Variants in ADAMTS20 observed in about 807,000 individuals in gnomAD.
The protein encoded by ADAMTS20 is ADAM metallopeptidase with thrombospondin type 1 motif 20.
A neutral mutation model predicts 260.1 loss-of-function variants in ADAMTS20; 225 were observed. The ratio of observed to expected loss-of-function variants is 0.87; its 90% CI spans 0.78 to 0.97. ADAMTS20 has a LOEUF of 0.97. ADAMTS20 is among the 50% of genes least tolerant of loss of function. The pLI is 0.00. For missense variants in ADAMTS20, 2,400 were observed against 2,337.7 expected (o/e 1.03, Z -0.55); for synonymous variants, 802 against 769.5 (o/e 1.04, Z -0.70).
At chr12:43,408,164 A>T (rs779627894) in intron 28 of ADAMTS20, among the ~76,000 whole-genome samples, 4 of 152,164 alleles carry the variant, frequency 2.6e-5, no homozygotes, top group Non-Finnish European at 5.9e-5. Flanking sequence ...ATGTTTTTAC[A>T]CAAATCAAAT....
intron 28 of ADAMTS20, among the ~76,000 whole-genome samples, chr12:43,405,227 T>TAAAAAAAAAA (rs1565683116): frequency 1.6e-3 from 18 of 11,546 alleles, no homozygotes; most frequent in African/African-American, 4.2e-3. Flanking sequence ...ACCTCATCTC[T>TAAAAAAAAAA]ACAAAAAAAA....
chr12:43,499,782 C>T (rs551863041), intron 4 of ADAMTS20, among the ~76,000 whole-genome samples: 2 of 152,152 alleles, frequency 1.3e-5, no homozygotes, highest in Admixed American at 6.5e-5. Context: ...GGATTACAGG[C>T]GTGAGCCATG....
At chr12:43,534,869 G>C (rs573787948) in intron 2 of ADAMTS20, among the ~76,000 whole-genome samples, 12 of 152,068 alleles carry the variant, frequency 7.9e-5, no homozygotes, top group Non-Finnish European at 1.6e-4. Flanking sequence ...GGTGAAACTG[G>C]GTGCATGTAG....
intron 3 of ADAMTS20, among the ~76,000 whole-genome samples, chr12:43,508,117 G>A (rs532583398): frequency 6.6e-6 from 1 of 151,926 alleles, no homozygotes; most frequent in African/African-American, 2.4e-5. Context: ...TAACAAACTG[G>A]CACATGTACC....
chr12:43,357,668 A>G (rs902963492), intron 37 of ADAMTS20, among the ~76,000 whole-genome samples: 3 of 152,218 alleles, frequency 2.0e-5, no homozygotes, highest in African/African-American at 7.2e-5. Context: ...AAAATGTATC[A>G]CATACAACAT....
intron 28 of ADAMTS20, among the ~76,000 whole-genome samples, chr12:43,417,717 A>G (rs928431939): frequency 6.6e-6 from 1 of 152,166 alleles, no homozygotes; most frequent in African/African-American, 2.4e-5. Flanking sequence ...AGTGCCCAAA[A>G]CATTATTTTT....
In ADAMTS20 at chr12:43,356,466, T is replaced by G; in HGVS notation, c.5643+18A>C. On this transcript the variant is annotated intron_variant, in intron 38 of 38. Transcript: ENST00000389420. ...TCAGAAGTATTTCAAACAGGCTTTT[T>G]GGTCCCGCAGGACTTACCTCTGATC... is the stretch of plus-strand genomic sequence containing the variant. The G allele has an allele frequency of 6.5e-7, 1 of 1,538,844 alleles. No homozygotes were observed. Among genetic ancestry groups the G allele is most frequent in the East Asian group, 2.3e-5 (1 of 43,864 alleles).
At chr12:43,423,447 A>AT in intron 28 of ADAMTS20, 1 of 392,792 alleles carries the variant, frequency 2.5e-6, no homozygotes, top group Non-Finnish European at 4.6e-6. Flanking sequence ...TGCTTGGTGA[A>AT]TTGAAGTCAT....
chr12:43,489,113 CA>C (rs909754343), intron 7 of ADAMTS20, among the ~76,000 whole-genome samples: 4 of 149,862 alleles, frequency 2.7e-5, no homozygotes, highest in East Asian at 1.9e-4. Flanking sequence ...AATATGATGT[CA>C]AAAAAAATTA....
chr12:43,444,556 C>T lies in ADAMTS20; in HGVS notation c.2198-673G>A, dbSNP rs142515036. Reference sequence around the variant, plus strand: ...TTCCATTTTATGAAGCCAAATTCAGCGACATTGGCACTGCTCAAAAGAGGA... The same window carrying T: ...TTCCATTTTATGAAGCCAAATTCAGTGACATTGGCACTGCTCAAAAGAGGA... On this transcript the variant is annotated intron_variant, in intron 15 of 38. Coordinates refer to ENST00000389420, the MANE Select transcript of ADAMTS20 (RefSeq NM_025003.5). Among the ~76,000 whole-genome samples the T allele has an allele frequency of 1.9e-4, 29 of 152,066 alleles. 1 individual carries two copies. Among genetic ancestry groups the T allele is most frequent in the Admixed American group, 1.6e-3 (25 of 15,256 alleles).
intron 36 of ADAMTS20, among the ~76,000 whole-genome samples, chr12:43,375,014 T>C (rs560288556): frequency 3.9e-5 from 6 of 152,102 alleles, no homozygotes; most frequent in South Asian, 2.1e-4. Context: ...CTACTAAAAA[T>C]ACAAAAAGTT....
At chr12:43,385,003 CT>C (rs1940441043) in intron 29 of ADAMTS20, among the ~76,000 whole-genome samples, 2 of 152,166 alleles carry the variant, frequency 1.3e-5, no homozygotes, top group Non-Finnish European at 2.9e-5. Flanking sequence ...AATGCTATTT[CT>C]GGTTCTACAT....
At chr12:43,510,769 T>C (rs1942913236) in intron 3 of ADAMTS20, among the ~76,000 whole-genome samples, 1 of 151,990 alleles carries the variant, frequency 6.6e-6, no homozygotes, top group Non-Finnish European at 1.5e-5. Flanking sequence ...ACATTGAATA[T>C]CTCTTATAAC....
At chr12:43,384,482 C>G (rs942991056) in intron 29 of ADAMTS20, among the ~76,000 whole-genome samples, 1 of 151,984 alleles carries the variant, frequency 6.6e-6, no homozygotes, top group Non-Finnish European at 1.5e-5. Flanking sequence ...ACTTTAAGTT[C>G]TGGGATACAT....
At chr12:43,435,301 C>G (rs573832605) in intron 18 of ADAMTS20, among the ~76,000 whole-genome samples, 1 of 152,098 alleles carries the variant, frequency 6.6e-6, no homozygotes, top group Non-Finnish European at 1.5e-5. Context: ...TGCAAACTTT[C>G]TGTACTTTCT....
intron 36 of ADAMTS20, among the ~76,000 whole-genome samples, chr12:43,371,485 C>T (rs995281465): frequency 2.6e-5 from 4 of 152,118 alleles, no homozygotes; most frequent in African/African-American, 4.8e-5. Context: ...AGGGGTGATA[C>T]TTGCTATGGA....
intron 11 of ADAMTS20, among the ~76,000 whole-genome samples, chr12:43,454,966 G>C (rs1194546930): frequency 3.9e-5 from 6 of 152,102 alleles, no homozygotes; most frequent in Admixed American, 3.9e-4. Flanking sequence ...ATAGTGTTAG[G>C]TATACTCATT....
intron 28 of ADAMTS20, among the ~76,000 whole-genome samples, chr12:43,406,687 A>T (rs1940926110): frequency 6.6e-6 from 1 of 152,094 alleles, no homozygotes; most frequent in Non-Finnish European, 1.5e-5. Flanking sequence ...GAAGCCAATG[A>T]TACTTGGAGA....
At chr12:43,547,491 A>G (rs540399791) in intron 2 of ADAMTS20, among the ~76,000 whole-genome samples, 2 of 152,310 alleles carry the variant, frequency 1.3e-5, no homozygotes, top group South Asian at 4.1e-4. Flanking sequence ...GAGGTGTTCC[A>G]GGGTGCTGAC....
Sources: allele counts gnomAD v4.1 joint callset (sites outside exome capture counted in the v4.1 genomes callset), GRCh38; gene constraint gnomAD v4.1.1; transcripts MANE v1.5; gene names NCBI Gene and HGNC (gene_info 2026-07-23, HGNC 2026-07-21).